The following L3MBTL4 variants were observed in gnomAD, a reference collection of about 807,000 sequenced individuals.
The protein encoded by L3MBTL4 is L3MBTL histone methyl-lysine binding protein 4.
Under a neutral mutation model 84.5 loss-of-function variants are expected in L3MBTL4, and 70 were observed. The observed-to-expected ratio is 0.83, with a 90% confidence interval of 0.68 to 1.01. L3MBTL4 has a LOEUF of 1.01. Among genes scored for constraint, L3MBTL4 ranks in the 50% least tolerant of loss-of-function variants. The pLI is 0.00. For synonymous variants in L3MBTL4, 274 were observed against 259.8 expected (o/e 1.05, Z -0.52); for missense variants, 715 against 754.8 (o/e 0.95, Z 0.62).
rs184042350 is a variant in L3MBTL4 at position 6,044,465 on chromosome 18, G to A, written c.1444+36416C>T. 2.2e-4 allele frequency among the ~76,000 whole-genome samples: 34 copies of A among 152,212 alleles called. No individual in the cohort carries two copies. The Middle Eastern group carries it at 0.01, about 46-fold the overall frequency. On this transcript the variant is annotated intron_variant, in intron 16 of 18. Coordinates refer to ENST00000317931, the MANE Select transcript of L3MBTL4 (RefSeq NM_001330559.2). Reference sequence around the variant, plus strand: ...TGTTTCTCAAGTGGAGTTAACTAACGTTGGAGACTCCAGCCTCTGCTGCCA... The same window carrying A: ...TGTTTCTCAAGTGGAGTTAACTAACATTGGAGACTCCAGCCTCTGCTGCCA...
At chr18:6,168,554 C>T (rs1039620572) in intron 13 of L3MBTL4, among the ~76,000 whole-genome samples, 16 of 152,034 alleles carry the variant, frequency 1.1e-4, no homozygotes, top group African/African-American at 3.6e-4. Context: ...CTTTGACAAA[C>T]CTGAGAAAAA....
At chr18:6,022,194 A>G (rs1171365685) in intron 16 of L3MBTL4, among the ~76,000 whole-genome samples, 1 of 152,200 alleles carries the variant, frequency 6.6e-6, no homozygotes, top group Non-Finnish European at 1.5e-5. Context: ...CATATTCACC[A>G]TATGCTCAGC....
At chr18:6,060,587 A>G (rs2057179804) in intron 16 of L3MBTL4, among the ~76,000 whole-genome samples, 1 of 152,076 alleles carries the variant, frequency 6.6e-6, no homozygotes, top group Admixed American at 6.6e-5. Flanking sequence ...ATATATTATT[A>G]ATATTATCAA....
intron 4 of L3MBTL4, among the ~76,000 whole-genome samples, chr18:6,271,896 G>T (rs1177597427): frequency 1.3e-5 from 2 of 152,210 alleles, no homozygotes; most frequent in Non-Finnish European, 2.9e-5. Flanking sequence ...GACAGCCAGG[G>T]TGTCACCGGG....
chr18:6,033,105 T>C (rs147691790), intron 16 of L3MBTL4, among the ~76,000 whole-genome samples: 2 of 152,352 alleles, frequency 1.3e-5, no homozygotes, highest in South Asian at 2.1e-4. Flanking sequence ...ACCATATAAC[T>C]GTCTACTTCT....
chr18:6,046,621 A>G, intron 16 of L3MBTL4: 1 of 623,892 alleles, frequency 1.6e-6, no homozygotes, highest in Non-Finnish European at 2.9e-6. Flanking sequence ...CACACATTAC[A>G]TGGAAATTAG....
chr18:6,185,532 G>A (rs917969549), intron 12 of L3MBTL4, among the ~76,000 whole-genome samples: 1 of 152,092 alleles, frequency 6.6e-6, no homozygotes, highest in Non-Finnish European at 1.5e-5. Flanking sequence ...TCCTGCTTGT[G>A]GTTGGCTCCT....
At chr18:6,195,451 T>C (rs142648124) in intron 12 of L3MBTL4, among the ~76,000 whole-genome samples, 177 of 152,268 alleles carry the variant, frequency 1.2e-3, no homozygotes, top group African/African-American at 4.1e-3. Context: ...TTCTGTTCAG[T>C]GGTAGAGTTG....
chr18:6,020,295 G>A (rs890577937), intron 16 of L3MBTL4, among the ~76,000 whole-genome samples: 1 of 152,002 alleles, frequency 6.6e-6, no homozygotes, highest in Admixed American at 6.6e-5. Context: ...GTCAGGTATT[G>A]GGTGGAGGTG....
intron 14 of L3MBTL4, among the ~76,000 whole-genome samples, chr18:6,099,025 G>A (rs1598742873): frequency 6.6e-6 from 1 of 152,176 alleles, no homozygotes; most frequent in Admixed American, 6.5e-5. Context: ...GAAGGAAGAG[G>A]TATATGCTGC....
intron 3 of L3MBTL4, among the ~76,000 whole-genome samples, chr18:6,307,757 A>G (rs1323539894): frequency 6.6e-6 from 1 of 152,232 alleles, no homozygotes; most frequent in Non-Finnish European, 1.5e-5. Context: ...TTCATAACTC[A>G]CTATTTAGAT....
intron 16 of L3MBTL4, among the ~76,000 whole-genome samples, chr18:6,009,701 T>C (rs2054650096): frequency 6.6e-6 from 1 of 152,212 alleles, no homozygotes; most frequent in South Asian, 2.1e-4. Context: ...GTTTTTTACT[T>C]GTGTTATTTT....
intron 16 of L3MBTL4, among the ~76,000 whole-genome samples, chr18:6,011,809 C>G (rs582180): frequency 6.6e-6 from 1 of 152,020 alleles, no homozygotes; most frequent in Non-Finnish European, 1.5e-5. Context: ...CCCTATGTTC[C>G]TGGTTTCTTG....
At chr18:6,184,311 G>A (rs921226718) in intron 12 of L3MBTL4, among the ~76,000 whole-genome samples, 4 of 152,078 alleles carry the variant, frequency 2.6e-5, no homozygotes, top group Admixed American at 1.3e-4. Flanking sequence ...GACAGAAACC[G>A]TATTTTCTAT....
At chr18:5,974,235 C>G (rs1224394070) in intron 16 of L3MBTL4, among the ~76,000 whole-genome samples, 1 of 152,152 alleles carries the variant, frequency 6.6e-6, no homozygotes, top group Admixed American at 6.5e-5. Flanking sequence ...AAGGTGCTTA[C>G]AGATATACTG....
chr18:5,965,289 C>G (rs1270693857), intron 17 of L3MBTL4, among the ~76,000 whole-genome samples: 2 of 152,348 alleles, frequency 1.3e-5, no homozygotes, highest in Non-Finnish European at 2.9e-5. Flanking sequence ...TACAAAGGCC[C>G]TGCGCTAGCC....
intron 12 of L3MBTL4, among the ~76,000 whole-genome samples, chr18:6,188,180 C>T (rs1194650752): frequency 1.3e-5 from 2 of 151,604 alleles, no homozygotes; most frequent in Admixed American, 1.3e-4. Context: ...TCACAAAGAT[C>T]ACACACCAAC....
chr18:6,378,362 C>T (rs889130361), intron 1 of L3MBTL4, among the ~76,000 whole-genome samples: 7 of 152,134 alleles, frequency 4.6e-5, no homozygotes, highest in Non-Finnish European at 1.0e-4. Flanking sequence ...GTTGCCATTG[C>T]TTTTGGTGTT....
chr18:6,109,501 A>AC (rs2059123436), intron 14 of L3MBTL4, among the ~76,000 whole-genome samples: 1 of 151,888 alleles, frequency 6.6e-6, no homozygotes. Context: ...TGGCCTGAGC[A>AC]CCCCTCTAAT....
Sources: allele counts gnomAD v4.1 joint callset (sites outside exome capture counted in the v4.1 genomes callset), GRCh38; gene constraint gnomAD v4.1.1; transcripts MANE v1.5; gene names NCBI Gene and HGNC (gene_info 2026-07-23, HGNC 2026-07-21).